Variants in STK3 observed in about 807,000 individuals in gnomAD.
STK3 encodes serine/threonine kinase 3, also known as serine/threonine-protein kinase 3.
A neutral mutation model predicts 58.0 loss-of-function variants in STK3; 41 were observed. That is an observed-to-expected ratio of 0.71 (90% confidence interval 0.55 to 0.92). The LOEUF (loss-of-function observed/expected upper bound fraction) is 0.92, where lower values mean the gene tolerates loss of function less well. STK3 is among the 40% of genes least tolerant of loss of function. STK3 has a pLI of 0.00. For missense variants in STK3, 479 were observed against 602.7 expected, an observed-to-expected ratio of 0.79 and a Z score of 2.15; for synonymous variants, 170 against 191.0, an observed-to-expected ratio of 0.89 and a Z score of 0.91.
intron 6 of STK3, among the ~76,000 whole-genome samples, chr8:98,682,474 T>A (rs555800780): frequency 6.5e-4 from 99 of 152,274 alleles, no homozygotes; most frequent in Non-Finnish European, 1.0e-3. Flanking sequence ...CTTACCGAAA[T>A]GCTTACAAAG....
At chr8:98,717,569 G>A (rs77217498) in intron 4 of STK3, among the ~76,000 whole-genome samples, 1,924 of 152,258 alleles carry the variant, frequency 0.013, 54 homozygotes, top group African/African-American at 0.044. Flanking sequence ...TATAGCTAAT[G>A]GGAATGTAAA....
intron 3 of STK3, among the ~76,000 whole-genome samples, chr8:98,870,007 A>T (rs1325383263): frequency 6.6e-6 from 1 of 151,808 alleles, no homozygotes; most frequent in Non-Finnish European, 1.5e-5. Context: ...CCCCAACCCC[A>T]TGACAGGCCC....
intron 3 of STK3, among the ~76,000 whole-genome samples, chr8:98,861,300 C>T (rs530537122): frequency 2.0e-5 from 3 of 148,900 alleles, no homozygotes; most frequent in South Asian, 4.3e-4. Flanking sequence ...ATGTCATTAA[C>T]ATGTCACGTC....
intron 10 of STK3, among the ~76,000 whole-genome samples, chr8:98,525,691 A>C (rs1001529021): frequency 6.6e-6 from 1 of 152,120 alleles, no homozygotes; most frequent in Non-Finnish European, 1.5e-5. Context: ...TAACCTGTGA[A>C]TTATACTGCT....
chr8:98,519,694 T>C (rs1443125951), intron 10 of STK3, among the ~76,000 whole-genome samples: 2 of 152,130 alleles, frequency 1.3e-5, no homozygotes, highest in Non-Finnish European at 2.9e-5. Flanking sequence ...ACTTTATACT[T>C]GGGGAGCAAA....
At chr8:98,529,609 A>T (rs909809760) in intron 9 of STK3, among the ~76,000 whole-genome samples, 4 of 152,326 alleles carry the variant, frequency 2.6e-5, no homozygotes, top group African/African-American at 9.6e-5. Flanking sequence ...GGTCTTGAAG[A>T]GATAACTGTA....
chr8:98,460,022 C>T (rs1819822537), intron 10 of STK3, among the ~76,000 whole-genome samples: 1 of 152,186 alleles, frequency 6.6e-6, no homozygotes, highest in East Asian at 1.9e-4. Context: ...AGCCACTCTC[C>T]TCCAGAACAC....
At chr8:98,694,333 CT>C (rs1206292158) in intron 6 of STK3, among the ~76,000 whole-genome samples, 5 of 151,656 alleles carry the variant, frequency 3.3e-5, no homozygotes, top group Middle Eastern at 3.4e-3. Flanking sequence ...AGATAGAGAC[CT>C]TTTTTTAGGC....
At chr8:98,365,916 T>TTA in the STK3 span, among the ~76,000 whole-genome samples, 1 of 152,244 alleles carries the variant, frequency 6.6e-6, no homozygotes, top group African/African-American at 2.4e-5. Flanking sequence ...CTTATTTGTT[T>TTA]TACTCATATC....
chr8:98,364,448 T>C, the STK3 span, among the ~76,000 whole-genome samples: 1 of 152,190 alleles, frequency 6.6e-6, no homozygotes, highest in Admixed American at 6.5e-5. Context: ...GGCCTGCCAG[T>C]CTGTTTCCCC....
intron 9 of STK3, among the ~76,000 whole-genome samples, chr8:98,540,695 T>G (rs1024512468): frequency 6.6e-6 from 1 of 152,110 alleles, no homozygotes; most frequent in African/African-American, 2.4e-5. Context: ...GTGCCCCTGG[T>G]GAGCCTTTGT....
intron 1 of STK3, among the ~76,000 whole-genome samples, chr8:98,793,343 T>C (rs1832927305): frequency 6.6e-6 from 1 of 151,854 alleles, no homozygotes. Context: ...AAAAAAATTT[T>C]AATAAAAAAA....
At chr8:98,478,671 T>G (rs1821580484) in intron 10 of STK3, among the ~76,000 whole-genome samples, 1 of 152,178 alleles carries the variant, frequency 6.6e-6, no homozygotes, top group Non-Finnish European at 1.5e-5. Flanking sequence ...TTCTTTCAGT[T>G]TCGGAGCCTC....
intron 1 of STK3, among the ~76,000 whole-genome samples, chr8:98,387,872 C>CTTTTTTTTTTTTTTTTTT (rs1178928185): frequency 6.9e-6 from 1 of 144,680 alleles, no homozygotes; most frequent in Admixed American, 6.9e-5. Flanking sequence ...TGTAAAATGC[C>CTTTTTTTTTTTTTTTTTT]CTTTTTTTTT....
At chr8:98,772,544 T>C (rs1197687639) in intron 2 of STK3, among the ~76,000 whole-genome samples, 1 of 151,854 alleles carries the variant, frequency 6.6e-6, no homozygotes, top group Non-Finnish European at 1.5e-5. Context: ...ACTAAAAATA[T>C]GAAAATTAGC....
At chr8:98,542,332 A>T (rs1333466680) in intron 9 of STK3, among the ~76,000 whole-genome samples, 3 of 152,348 alleles carry the variant, frequency 2.0e-5, no homozygotes, top group Admixed American at 2.0e-4. Context: ...CTCAAGTCGT[A>T]TCAATAGATA....
At chr8:98,685,222 T>G (rs1318169702) in intron 6 of STK3, among the ~76,000 whole-genome samples, 1 of 152,216 alleles carries the variant, frequency 6.6e-6, no homozygotes, top group African/African-American at 2.4e-5. Flanking sequence ...AAGCAATACT[T>G]AATGGAAACA....
chr8:98,434,929 A>G (rs545065733), intron 2 of STK3, among the ~76,000 whole-genome samples: 33 of 152,362 alleles, frequency 2.2e-4, no homozygotes, highest in Non-Finnish European at 3.7e-4. Context: ...TAGGCCTTCC[A>G]TTGAGTCTAT....
At chr8:98,874,767 C>T (rs1837505274) in intron 3 of STK3, among the ~76,000 whole-genome samples, 1 of 151,516 alleles carries the variant, frequency 6.6e-6, no homozygotes, top group African/African-American at 2.4e-5. Context: ...GCTGGGACTA[C>T]AGGTGCACAC....
Sources: gnomAD v4.1 joint callset for allele counts (sites outside exome capture counted in the v4.1 genomes callset) on GRCh38, gnomAD v4.1.1 for gene constraint, MANE v1.5 for transcripts, NCBI Gene and HGNC (gene_info 2026-07-23, HGNC 2026-07-21) for gene names.